WBP4: variants seen among roughly 807,000 people sequenced by gnomAD.
WBP4 encodes WW domain binding protein 4, also known as WW domain-binding protein 4.
WBP4 carries 37 observed loss-of-function variants against 55.4 expected under a neutral mutation model. The ratio of observed to expected loss-of-function variants is 0.67; its 90% CI spans 0.51 to 0.88. The LOEUF (loss-of-function observed/expected upper bound fraction) is 0.88. Among genes scored for constraint, WBP4 ranks in the 40% least tolerant of loss-of-function variants. WBP4 has a pLI of 0.00. For synonymous variants in WBP4, 142 were observed against 140.2 expected (o/e 1.01, Z -0.09); for missense variants, 398 against 420.8 (o/e 0.95, Z 0.47).
At chr13:41,079,252 C>A (rs187762993) in intron 8 of WBP4, among the ~76,000 whole-genome samples, 1 of 152,238 alleles carries the variant, frequency 6.6e-6, no homozygotes, top group Non-Finnish European at 1.5e-5. Context: ...TACCATCTTA[C>A]ACCAGTCAGA....
At chr13:41,075,654 T>C (rs1170374773) in intron 7 of WBP4, among the ~76,000 whole-genome samples, 1 of 152,182 alleles carries the variant, frequency 6.6e-6, no homozygotes, top group Non-Finnish European at 1.5e-5. Context: ...GTGTTGGAAT[T>C]ACAAGCATAA....
At chr13:41,074,000 G>A (rs947670286) in intron 7 of WBP4, among the ~76,000 whole-genome samples, 25 of 149,328 alleles carry the variant, frequency 1.7e-4, no homozygotes, top group Non-Finnish European at 5.9e-5. Context: ...GCACAATCTC[G>A]GCTCACTGCA....
chr13:41,061,923 G>T, intron 1 of WBP4, among the ~76,000 whole-genome samples: 1 of 152,128 alleles, frequency 6.6e-6, no homozygotes. Flanking sequence ...GGTTCAGGGG[G>T]CTGGTTGGAC....
rs1476363427 is a variant in WBP4, at chr13:41,084,006, A to T, written c.*1092A>T. Reference sequence around the variant, plus strand: ...TTATTAAAAACTTGATCAAAGAATAAGTTAAATATTGTTATTCTAATTCCA... The same window carrying T: ...TTATTAAAAACTTGATCAAAGAATATGTTAAATATTGTTATTCTAATTCCA... On this transcript the variant is annotated 3_prime_UTR_variant, in exon 10 of 10. Coordinates refer to ENST00000379487, the MANE Select transcript of WBP4 (RefSeq NM_007187.5). The T allele has an allele frequency of 1.3e-5, 2 of 152,220 alleles. No homozygotes were observed. The highest frequency in any genetic ancestry group is 2.9e-5 in the Non-Finnish European group (2 of 68,028). The allele number at this position is 152,220 out of a possible 1,614,324, so 9.4% of individuals were successfully genotyped here.
rs758942737 is a variant in WBP4, at chr13:41,065,181, G to A, written c.156G>A (p.Leu52=). 3.1e-6 allele frequency: 5 copies of A among 1,611,920 alleles called. No homozygotes were observed. The African/African-American group carries it at 5.4e-5, about 17-fold the overall frequency. Residue 52 remains leucine (L), a synonymous_variant, in exon 4 of 10, where the codon CTG becomes CTA. Coordinates refer to ENST00000379487, the MANE Select transcript of WBP4 (RefSeq NM_007187.5). Reference sequence around the variant, plus strand: ...TTACATAGATTAAACAGAAAAGCCTGGATAAGGCAAAGGAAGAAGAAAAGG... The same window carrying A: ...TTACATAGATTAAACAGAAAAGCCTAGATAAGGCAAAGGAAGAAGAAAAGG... ...KRISEIKQKS[L]DKAKEEEKAS... is the part of the protein sequence containing the mutation.
chr13:41,067,590 G>A (rs1878029185), intron 4 of WBP4, among the ~76,000 whole-genome samples: 1 of 152,196 alleles, frequency 6.6e-6, no homozygotes, highest in Non-Finnish European at 1.5e-5. Flanking sequence ...GGATGCTAAA[G>A]TGGGAGGATT....
At chr13:41,077,006 CCAACAA>C (rs1262648904) in intron 8 of WBP4, among the ~76,000 whole-genome samples, 1 of 151,946 alleles carries the variant, frequency 6.6e-6, no homozygotes, top group Non-Finnish European at 1.5e-5. Context: ...TGAATGTGTT[CCAACAA>C]CAACAACAAA....
intron 8 of WBP4, among the ~76,000 whole-genome samples, chr13:41,076,440 G>A (rs937286335): frequency 3.3e-5 from 5 of 151,604 alleles, no homozygotes; most frequent in East Asian, 1.9e-4. Flanking sequence ...CACCAAACCC[G>A]GCTAATTTTT....
chr13:41,077,534 G>T (rs142679802), intron 8 of WBP4, among the ~76,000 whole-genome samples: 144 of 152,102 alleles, frequency 9.5e-4, no homozygotes, highest in Middle Eastern at 3.4e-3. Flanking sequence ...CACAGCCAAC[G>T]TTATACTGAA....
intron 4 of WBP4, 55 bp downstream of exon 4, chr13:41,065,342 G>C (rs1032839712): frequency 2.0e-6 from 3 of 1,513,056 alleles, no homozygotes; most frequent in Non-Finnish European, 2.6e-6. Context: ...TAACATCAGA[G>C]GTCAAGCTAA....
At chr13:41,073,793 C>G (rs1878355295) in intron 7 of WBP4, among the ~76,000 whole-genome samples, 1 of 151,920 alleles carries the variant, frequency 6.6e-6, no homozygotes, top group Non-Finnish European at 1.5e-5. Flanking sequence ...GGCGACAGAG[C>G]AAGACTGTCT....
intron 2 of WBP4, among the ~76,000 whole-genome samples, chr13:41,063,655 C>G (rs1300267715): frequency 6.6e-6 from 1 of 152,032 alleles, no homozygotes; most frequent in African/African-American, 2.4e-5. Flanking sequence ...AGTAAGTAAT[C>G]CCTTCCAGTG....
intron 8 of WBP4, among the ~76,000 whole-genome samples, chr13:41,079,823 A>G (rs141066885): frequency 1.2e-4 from 19 of 152,344 alleles, no homozygotes; most frequent in South Asian, 2.1e-4. Context: ...GTGTCCGTCA[A>G]CGGAGGATTG....
At chr13:41,062,096 GTTTTTTTTTTTTT>G (rs60658317) in intron 1 of WBP4, 12 of 805,754 alleles carry the variant, frequency 1.5e-5, no homozygotes, top group Admixed American at 4.4e-4. Flanking sequence ...TAGCGTAATG[GTTTTTTTTTTTTT>G]TTTTTTTTTT....
intron 9 of WBP4, among the ~76,000 whole-genome samples, chr13:41,081,614 T>G (rs1451986010): frequency 6.6e-6 from 1 of 152,214 alleles, no homozygotes; most frequent in Non-Finnish European, 1.5e-5. Flanking sequence ...TATTTAGTTT[T>G]ATAACTTAAA....
chr13:41,069,865 C>T (rs140906509), intron 5 of WBP4, among the ~76,000 whole-genome samples: 8,727 of 141,334 alleles, frequency 0.062, 601 homozygotes, highest in East Asian at 0.16. Context: ...GCAACAAGAG[C>T]GAAAGTCCAT....
chr13:41,082,655 C>T (rs775762896), intron 9 of WBP4, 49 bp from the exon 10 acceptor site: 9 of 1,566,002 alleles, frequency 5.7e-6, no homozygotes, highest in Middle Eastern at 1.7e-4. Context: ...TATATGAAAA[C>T]GTTTGTCTTA....
At chr13:41,069,637 C>T (rs1027713394) in intron 5 of WBP4, among the ~76,000 whole-genome samples, 3 of 141,928 alleles carry the variant, frequency 2.1e-5, no homozygotes, top group East Asian at 2.2e-4. Context: ...ACCCAGGAAG[C>T]GGAGCTTGCG....
At chr13:41,081,705 T>C (rs529541930) in intron 9 of WBP4, among the ~76,000 whole-genome samples, 1 of 152,110 alleles carries the variant, frequency 6.6e-6, no homozygotes, top group South Asian at 2.1e-4. Context: ...GCCCAGTACC[T>C]TGGGAGGCTA....
Sources: gnomAD v4.1 joint callset for allele counts (sites outside exome capture counted in the v4.1 genomes callset) on GRCh38, gnomAD v4.1.1 for gene constraint, MANE v1.5 for transcripts, NCBI Gene and HGNC (gene_info 2026-07-23, HGNC 2026-07-21) for gene names.